The following ZBTB8A variants were observed in gnomAD, a reference collection of about 807,000 sequenced individuals.
ZBTB8A encodes zinc finger and BTB domain-containing protein 8A.
ZBTB8A carries 19 observed loss-of-function variants against 37.8 expected under a neutral mutation model. The observed-to-expected ratio is 0.50, with a 90% confidence interval of 0.35 to 0.74. The LOEUF (loss-of-function observed/expected upper bound fraction) is 0.74. Ranked by LOEUF, ZBTB8A falls within the 30% of genes least tolerant of loss-of-function variation. The pLI, the probability that ZBTB8A is intolerant of heterozygous loss-of-function variation, is 0.01. For synonymous variants in ZBTB8A, 181 were observed against 185.2 expected (o/e 0.98, Z 0.19); for missense variants, 394 against 537.8 (o/e 0.73, Z 2.65).
intron 2 of ZBTB8A, among the ~76,000 whole-genome samples, chr1:32,556,611 C>T (rs1339852992): frequency 6.6e-6 from 1 of 152,168 alleles, no homozygotes; most frequent in Non-Finnish European, 1.5e-5. Flanking sequence ...GGCACAGTGG[C>T]TCACGCCTGT....
At chr1:32,573,314 T>A (rs1644336427) in intron 2 of ZBTB8A, among the ~76,000 whole-genome samples, 2 of 151,100 alleles carry the variant, frequency 1.3e-5, no homozygotes, top group Admixed American at 1.3e-4. Context: ...GACCTCGTGA[T>A]CTGCCCGCCT....
chr1:32,552,944 T>C (rs1443353614), intron 1 of ZBTB8A, among the ~76,000 whole-genome samples: 1 of 148,724 alleles, frequency 6.7e-6, no homozygotes, highest in Non-Finnish European at 1.5e-5. Flanking sequence ...CTATATTATA[T>C]ATTAATATTA....
At chr1:32,595,265 GGTTTTT>G in intron 4 of ZBTB8A, 42 bp downstream of exon 4, 3 of 1,598,094 alleles carry the variant, frequency 1.9e-6, no homozygotes, top group Admixed American at 1.7e-5. Context: ...ATTCTTTTTT[GGTTTTT>G]GTTTTTGTTT....
At chr1:32,565,516 G>A (rs369304144) in intron 2 of ZBTB8A, among the ~76,000 whole-genome samples, 2 of 151,836 alleles carry the variant, frequency 1.3e-5, no homozygotes, top group East Asian at 1.9e-4. Flanking sequence ...TTAGCTGGGC[G>A]TGGTGGCATG....
At chr1:32,588,047 C>A (rs1175874651) in intron 2 of ZBTB8A, among the ~76,000 whole-genome samples, 1 of 152,106 alleles carries the variant, frequency 6.6e-6, no homozygotes, top group Non-Finnish European at 1.5e-5. Flanking sequence ...AAGCTCCAAG[C>A]GCTTCCCACG....
intron 1 of ZBTB8A, among the ~76,000 whole-genome samples, chr1:32,540,330 G>T (rs1306093534): frequency 6.6e-6 from 1 of 152,142 alleles, no homozygotes; most frequent in Non-Finnish European, 1.5e-5. Context: ...GGAAGCGGTA[G>T]ATTCACACAC....
At chr1:32,567,424 A>G (rs1254896105) in intron 2 of ZBTB8A, among the ~76,000 whole-genome samples, 1 of 152,050 alleles carries the variant, frequency 6.6e-6, no homozygotes, top group African/African-American at 2.4e-5. Context: ...CCACCTAGCT[A>G]TTTTTGTGTA....
chr1:32,570,870 C>T (rs1387590647), intron 2 of ZBTB8A, among the ~76,000 whole-genome samples: 2 of 151,432 alleles, frequency 1.3e-5, no homozygotes, highest in Admixed American at 6.6e-5. Flanking sequence ...ACTCTTTATG[C>T]CTGTTATTTC....
At position 32,593,047 on chromosome 1, in the gene ZBTB8A, GA is replaced by G; in HGVS notation, c.119del (p.Asn40MetfsTer57). 1 of 1,614,164 alleles carries G rather than the reference GA, an allele frequency of 6.2e-7. No homozygotes were observed. The highest frequency in any genetic ancestry group is 2.2e-5 in the East Asian group (1 of 44,882). On this transcript the variant is annotated frameshift_variant, in exon 3 of 5. Coordinates refer to ENST00000373510, the MANE Select transcript of ZBTB8A (RefSeq NM_001040441.3). LOFTEE classifies it high-confidence loss of function. The part of the protein sequence containing the change: ...LVEGKVFKAH[R>X]NVLFASSGYF... ...GAAGGGAAGGTCTTCAAAGCACATCGAAATGTATTATTCGCTAGTAGCGGCT... is the reference window on the plus strand; with the variant it reads ...GAAGGGAAGGTCTTCAAAGCACATCGAATGTATTATTCGCTAGTAGCGGCT...
Position 32,592,993 on chromosome 1 carries a change from A to T in ZBTB8A, c.62A>T (p.Asp21Val). 1 of 1,614,192 alleles carries T rather than the reference A, an allele frequency of 6.2e-7. No homozygotes were observed. The highest frequency in any genetic ancestry group is 8.5e-7 in the Non-Finnish European group (1 of 1,180,034). ...LQQLNEQRRQ[D>V]VFCDCSILVE... Reference sequence around the variant, plus strand: ...CAACTGAACGAGCAGCGCAGGCAAGATGTATTTTGTGACTGCAGTATTCTA... The same window carrying T: ...CAACTGAACGAGCAGCGCAGGCAAGTTGTATTTTGTGACTGCAGTATTCTA... Residue 21 changes from aspartate (D) to valine (V), a missense_variant, in exon 3 of 5, where the codon GAT becomes GTT. By Grantham distance (152) the Asp-to-Val change is radical. Coordinates refer to ENST00000373510, the MANE Select transcript of ZBTB8A (RefSeq NM_001040441.3).
intron 4 of ZBTB8A, among the ~76,000 whole-genome samples, chr1:32,595,656 G>GT (rs763311181): frequency 3.2e-5 from 4 of 123,888 alleles, no homozygotes; most frequent in Admixed American, 8.0e-5. Flanking sequence ...TGCAGCTTTT[G>GT]TTTTTTTTTT....
intron 2 of ZBTB8A, among the ~76,000 whole-genome samples, chr1:32,590,768 T>G (rs937556577): frequency 1.3e-5 from 2 of 152,148 alleles, no homozygotes; most frequent in African/African-American, 4.8e-5. Flanking sequence ...TCTAAAGAGG[T>G]ATCCCTAACT....
At chr1:32,572,231 TATGTCTTTC>T (rs1348669793) in intron 2 of ZBTB8A, among the ~76,000 whole-genome samples, 1 of 152,166 alleles carries the variant, frequency 6.6e-6, no homozygotes, top group Non-Finnish European at 1.5e-5. Context: ...AGATGAGTAT[TATGTCTTTC>T]TTAAATGTTT....
At chr1:32,574,752 G>A (rs1271343951) in intron 2 of ZBTB8A, among the ~76,000 whole-genome samples, 2 of 152,022 alleles carry the variant, frequency 1.3e-5, no homozygotes, top group African/African-American at 4.8e-5. Context: ...TGTCCAAGTT[G>A]GTTGATAGTA....
In ZBTB8A at chr1:32,601,902, G is replaced by A. The variant is rs1644578819; in HGVS notation, c.*1483G>A. On this transcript the variant is annotated 3_prime_UTR_variant, in exon 5 of 5. Transcript: ENST00000373510. ...ACCTATTGGTATGTTTTTATGTCAC[G>A]TTATTTATATGTAAATTTAAAGTAT... 1.0e-5 allele frequency: 4 copies of A among 381,836 alleles called. No homozygotes were observed. The highest frequency in any genetic ancestry group is 2.1e-5 in the African/African-American group (1 of 48,448). 23.7% of individuals were successfully genotyped at this position (381,836 alleles called of 1,614,324 possible).
At chr1:32,567,640 A>T (rs1191047610) in intron 2 of ZBTB8A, among the ~76,000 whole-genome samples, 1 of 150,476 alleles carries the variant, frequency 6.6e-6, no homozygotes, top group African/African-American at 2.4e-5. Context: ...TAAAATAGAA[A>T]TATTATCCTG....
chr1:32,590,983 T>C (rs909003707), intron 2 of ZBTB8A, among the ~76,000 whole-genome samples: 4 of 151,804 alleles, frequency 2.6e-5, no homozygotes, highest in Non-Finnish European at 5.9e-5. Flanking sequence ...AACCTCCACT[T>C]CCTGGGTTCA....
At chr1:32,554,504 ATTTATTTATTTT>A in intron 2 of ZBTB8A, among the ~76,000 whole-genome samples, 1 of 141,320 alleles carries the variant, frequency 7.1e-6, no homozygotes, top group Non-Finnish European at 1.5e-5. Context: ...TTATTTATTT[ATTTATTTATTTT>A]TGAGATGTAG....
intron 2 of ZBTB8A, among the ~76,000 whole-genome samples, chr1:32,564,419 G>A (rs1234547790): frequency 6.6e-6 from 1 of 152,134 alleles, no homozygotes; most frequent in African/African-American, 2.4e-5. Flanking sequence ...AAAGTCTGGA[G>A]CTTTATTAGG....
Sources: allele counts gnomAD v4.1 joint callset (sites outside exome capture counted in the v4.1 genomes callset), GRCh38; gene constraint gnomAD v4.1.1; transcripts MANE v1.5; gene names NCBI Gene and HGNC (gene_info 2026-07-23, HGNC 2026-07-21).